Variants in PSD3 observed in about 807,000 individuals in gnomAD.
The protein encoded by PSD3 is pleckstrin and Sec7 domain containing 3.
In PSD3, 49 loss-of-function variants were observed where a neutral mutation model predicts 105.5. The ratio of observed to expected loss-of-function variants is 0.46; its 90% CI spans 0.37 to 0.59. The LOEUF (loss-of-function observed/expected upper bound fraction) is 0.59, where lower values mean the gene tolerates loss of function less well. Among genes scored for constraint, PSD3 ranks in the 20% least tolerant of loss-of-function variants. The pLI is 0.00. For synonymous variants in PSD3, 557 were observed against 457.8 expected (o/e 1.22, Z -2.77); for missense variants, 1,561 against 1,263.8 (o/e 1.24, Z -3.57).
intron 9 of PSD3, among the ~76,000 whole-genome samples, chr8:18,681,572 T>C (rs1800393819): frequency 1.3e-5 from 2 of 151,866 alleles, no homozygotes; most frequent in South Asian, 4.2e-4. Context: ...AACGTGTAAC[T>C]GTGGATAAAA....
At chr8:18,818,425 A>G (rs1205328173) in intron 4 of PSD3, among the ~76,000 whole-genome samples, 2 of 152,032 alleles carry the variant, frequency 1.3e-5, no homozygotes, top group African/African-American at 4.8e-5. Context: ...TCCTAGAACC[A>G]AACTACCTGT....
chr8:18,970,787 T>C (rs1824600802), intron 1 of PSD3, among the ~76,000 whole-genome samples: 1 of 151,894 alleles, frequency 6.6e-6, no homozygotes, highest in African/African-American at 2.4e-5. Flanking sequence ...AAACCCTGTC[T>C]CTACTAAAAA....
At chr8:18,948,130 C>G (rs1298092964) in intron 1 of PSD3, among the ~76,000 whole-genome samples, 1 of 152,186 alleles carries the variant, frequency 6.6e-6, no homozygotes, top group Non-Finnish European at 1.5e-5. Flanking sequence ...CCTAGTGATT[C>G]AAGACTTCAT....
At chr8:19,037,846 T>C (rs1315965794) in intron 1 of PSD3, among the ~76,000 whole-genome samples, 1 of 151,858 alleles carries the variant, frequency 6.6e-6, no homozygotes, top group Non-Finnish European at 1.5e-5. Flanking sequence ...CATGAGACTT[T>C]TTGGCCTCCA....
At chr8:18,672,499 A>C (rs1238941556) in intron 9 of PSD3, among the ~76,000 whole-genome samples, 1 of 152,228 alleles carries the variant, frequency 6.6e-6, no homozygotes, top group Non-Finnish European at 1.5e-5. Context: ...CAAATTAAAT[A>C]ATCTCACCCA....
intron 12 of PSD3, among the ~76,000 whole-genome samples, chr8:18,588,478 G>T (rs1223027852): frequency 2.0e-5 from 3 of 152,188 alleles, no homozygotes; most frequent in Admixed American, 6.5e-5. Context: ...TATTCTCATT[G>T]TAAGTAGATA....
intron 1 of PSD3, among the ~76,000 whole-genome samples, chr8:18,990,967 C>G (rs1043191319): frequency 2.0e-5 from 3 of 152,148 alleles, no homozygotes; most frequent in Non-Finnish European, 4.4e-5. Flanking sequence ...TCCTCTTACT[C>G]TCTCCTATTA....
chr8:18,880,365 GAGT>G (rs1294229080), intron 2 of PSD3, among the ~76,000 whole-genome samples: 1 of 152,106 alleles, frequency 6.6e-6, no homozygotes, highest in Non-Finnish European at 1.5e-5. Context: ...ATTCAAAACT[GAGT>G]ATTTCCAGAA....
At chr8:19,016,576 C>A (rs1827185561), upstream of PSD3, among the ~76,000 whole-genome samples, 1 of 152,148 alleles carries the variant, frequency 6.6e-6, no homozygotes, top group African/African-American at 2.4e-5. Flanking sequence ...AAAAATCACA[C>A]AATAGTTTTA....
chr8:18,886,664 C>G (rs571916888), intron 2 of PSD3, among the ~76,000 whole-genome samples: 68 of 152,298 alleles, frequency 4.5e-4, no homozygotes, highest in Non-Finnish European at 8.5e-4. Flanking sequence ...CCCAGTTCAT[C>G]AGTTTAACGC....
At chr8:18,745,096 G>A (rs1563218135) in intron 9 of PSD3, among the ~76,000 whole-genome samples, 1 of 152,178 alleles carries the variant, frequency 6.6e-6, no homozygotes, top group Non-Finnish European at 1.5e-5. Context: ...CACTGGTGAT[G>A]TTAATCTTGA....
At chr8:18,981,491 T>C (rs910729656) in intron 1 of PSD3, among the ~76,000 whole-genome samples, 1 of 152,148 alleles carries the variant, frequency 6.6e-6, no homozygotes, top group African/African-American at 2.4e-5. Flanking sequence ...AACAAACTCA[T>C]CAGGTTGTTA....
At chr8:18,965,455 G>A (rs545467237) in intron 1 of PSD3, among the ~76,000 whole-genome samples, 7 of 152,262 alleles carry the variant, frequency 4.6e-5, no homozygotes, top group Non-Finnish European at 7.4e-5. Flanking sequence ...CCATTACCCC[G>A]TTCGGCGGGG....
chr8:18,659,225 G>C (rs1325155703), intron 9 of PSD3, among the ~76,000 whole-genome samples: 2 of 152,134 alleles, frequency 1.3e-5, no homozygotes, highest in Non-Finnish European at 2.9e-5. Flanking sequence ...AGCACTACTA[G>C]AGAAAATTAA....
chr8:18,774,441 T>C (rs547900333), intron 8 of PSD3: 48 of 179,372 alleles, frequency 2.7e-4, no homozygotes, highest in African/African-American at 1.0e-3. Context: ...ATAGTCACTC[T>C]ACTGCAGTAC....
At chr8:18,993,866 CAATTTGATTATATCAATAT>C (rs1302342263) in intron 1 of PSD3, among the ~76,000 whole-genome samples, 1 of 152,002 alleles carries the variant, frequency 6.6e-6, no homozygotes, top group Non-Finnish European at 1.5e-5. Context: ...TTATATCAAA[CAATTTGATTATATCAATAT>C]AATTTGATTA....
In PSD3 at chr8:18,810,917, A is replaced by T. The variant is rs1276806851; in HGVS notation, c.1635-6019T>A. Reference sequence around the variant, plus strand: ...AGGGCTGAAATACAAGTCAGAAGTAAGTACACCATCAGCAAAAAATAAGTA... The same window carrying T: ...AGGGCTGAAATACAAGTCAGAAGTATGTACACCATCAGCAAAAAATAAGTA... On this transcript the variant is annotated intron_variant, in intron 4 of 15. Transcript: ENST00000327040. Among the ~76,000 whole-genome samples, 3 of 152,366 alleles carry T rather than the reference A, an allele frequency of 2.0e-5. No individual in the cohort carries two copies. The East Asian group carries it at 5.8e-4, about 29-fold the overall frequency.
chr8:18,778,356 G>C (rs912138303), intron 8 of PSD3, among the ~76,000 whole-genome samples: 4 of 152,148 alleles, frequency 2.6e-5, no homozygotes, highest in African/African-American at 9.7e-5. Context: ...TCAGATCTAA[G>C]AGTTTCAGGT....
Position 18,871,862 on chromosome 8 carries a change from G to A in PSD3, c.1002C>T (p.Ser334=). 1.2e-6 allele frequency: 2 copies of A among 1,614,192 alleles called. No individual in the cohort carries two copies. Among genetic ancestry groups the A allele is most frequent in the East Asian group, 2.2e-5 (1 of 44,884 alleles). ...GGCGTGGCACTTTGGAAGACTCTTTGCTGTCAGGAGAGGCTGTTCTTTGCA... is the reference window on the plus strand; with the variant it reads ...GGCGTGGCACTTTGGAAGACTCTTTACTGTCAGGAGAGGCTGTTCTTTGCA... ...TSLQRTASPD[S]KESSKVPRHL... Residue 334 remains serine (S), a synonymous_variant, in exon 3 of 16, where the codon AGC becomes AGT. Transcript: ENST00000327040.
Sources: gnomAD v4.1 joint callset for allele counts (sites outside exome capture counted in the v4.1 genomes callset) on GRCh38, gnomAD v4.1.1 for gene constraint, MANE v1.5 for transcripts, NCBI Gene and HGNC (gene_info 2026-07-23, HGNC 2026-07-21) for gene names.